AGAP1: variants seen among roughly 807,000 people sequenced by gnomAD.
AGAP1 encodes ArfGAP with GTPase domain, ankyrin repeat and PH domain 1, also known as arf-GAP with GTPase, ANK repeat and PH domain-containing protein 1.
In AGAP1, 29 loss-of-function variants were observed where a neutral mutation model predicts 105.3. The observed-to-expected ratio is 0.28, with a 90% CI of 0.21 to 0.38. The LOEUF (loss-of-function observed/expected upper bound fraction) is 0.38, where lower values mean the gene tolerates loss of function less well. AGAP1 is among the 10% of genes least tolerant of loss of function. AGAP1 has a pLI of 1.00. For missense variants in AGAP1, 998 were observed against 1,165.1 expected, an observed-to-expected ratio of 0.86 and a Z score of 2.09; for synonymous variants, 509 against 485.9, an observed-to-expected ratio of 1.05 and a Z score of -0.63.
Position 235,622,780 on chromosome 2 carries a change from C to T in AGAP1, c.164-86399C>T, listed in dbSNP as rs866655379. On this transcript the variant is annotated intron_variant, in intron 1 of 17. Coordinates refer to ENST00000304032, the MANE Select transcript of AGAP1 (RefSeq NM_001037131.3). This position sits in a 1 kb window ranked among gnomAD's most constrained non-coding sequence, Gnocchi z 5.0. ...TTAGCGCTAAGCCATTTTCCCAGGC[C>T]GGGTTATGCAGTGAGACTTCAGGGC... 4.6e-5 allele frequency among the ~76,000 whole-genome samples: 7 copies of T among 152,062 alleles called. No homozygotes were observed. The highest frequency in any genetic ancestry group is 6.8e-3 in the Middle Eastern group (2 of 294).
chr2:235,675,270 A>G (rs1347599788), intron 1 of AGAP1, among the ~76,000 whole-genome samples: 1 of 150,266 alleles, frequency 6.7e-6, no homozygotes, highest in East Asian at 2.0e-4. Flanking sequence ...GCTCACTGCA[A>G]CCTCTGCCTC....
At chr2:235,640,435 G>A (rs1947152678) in intron 1 of AGAP1, among the ~76,000 whole-genome samples, 1 of 152,200 alleles carries the variant, frequency 6.6e-6, no homozygotes. Flanking sequence ...AAGGAAGCAT[G>A]CATTACCCAT....
intron 1 of AGAP1, among the ~76,000 whole-genome samples, chr2:235,589,147 G>C (rs2149206534): frequency 6.8e-6 from 1 of 147,836 alleles, no homozygotes; most frequent in East Asian, 2.0e-4. Flanking sequence ...CCCGATGCTG[G>C]TAGAAAAGGA....
At chr2:235,672,499 A>C (rs763201979) in intron 1 of AGAP1, among the ~76,000 whole-genome samples, 1 of 152,230 alleles carries the variant, frequency 6.6e-6, no homozygotes, top group Non-Finnish European at 1.5e-5. Context: ...CACTGTATTT[A>C]ACTCCAACCA....
chr2:235,610,753 A>G lies in AGAP1; in HGVS notation c.164-98426A>G, dbSNP rs185183892. Among the ~76,000 whole-genome samples the G allele has an allele frequency of 1.5e-3, 225 of 152,168 alleles. 3 individuals are homozygous for G. Among genetic ancestry groups the G allele is most frequent in the African/African-American group, 5.3e-3 (220 of 41,512 alleles). On this transcript the variant is annotated intron_variant, in intron 1 of 17. Coordinates refer to ENST00000304032, the MANE Select transcript of AGAP1 (RefSeq NM_001037131.3). The surrounding 1 kb of genome is among the most constrained non-coding windows in gnomAD (Gnocchi z 4.9). ...CGTGAGCTCCCTGCCCTGGAGTGGAAACCCTGGGCTGGGGAGGAGGTGCGC... is the reference window on the plus strand; with the variant it reads ...CGTGAGCTCCCTGCCCTGGAGTGGAGACCCTGGGCTGGGGAGGAGGTGCGC...
Position 235,946,536 on chromosome 2 carries a change from G to T in AGAP1, c.1483+15613G>T, listed in dbSNP as rs531169227. Among the ~76,000 whole-genome samples the T allele has an allele frequency of 7.9e-5, 12 of 152,198 alleles. No individual in the cohort carries two copies. The South Asian group carries it at 2.5e-3, about 32-fold the overall frequency. On this transcript the variant is annotated intron_variant, in intron 12 of 17. Coordinates refer to ENST00000304032, the MANE Select transcript of AGAP1 (RefSeq NM_001037131.3). ...TTTCCATGTCTTAGAATATTTTCAT[G>T]TACTTAACAGCATTTAAAAGAAAAT...
chr2:235,516,352 A>AT (rs933488145), intron 1 of AGAP1, among the ~76,000 whole-genome samples: 2 of 151,786 alleles, frequency 1.3e-5, no homozygotes, highest in African/African-American at 4.8e-5. Flanking sequence ...CATTATTATT[A>AT]TTTTTTTTAA....
rs868647721 is a variant in AGAP1, at chr2:235,893,858, G to A, written c.1155+10409G>A. Among the ~76,000 whole-genome samples the A allele has an allele frequency of 1.3e-5, 2 of 152,090 alleles. No individual in the cohort carries two copies. The highest frequency in any genetic ancestry group is 4.8e-5 in the African/African-American group (2 of 41,404). ...TTGCTCCTGAACTTCCTGGACTCCA[G>A]CCCTCAACATTGACAATCCTGGCTG... On this transcript the variant is annotated intron_variant, in intron 10 of 17. Transcript: ENST00000304032. The surrounding 1 kb of genome is among the most constrained non-coding windows in gnomAD (Gnocchi z 4.7).
In AGAP1 at chr2:236,012,204, G is replaced by A. The variant is rs1009443849; in HGVS notation, c.1646-24357G>A. On this transcript the variant is annotated intron_variant, in intron 13 of 17. Transcript: ENST00000304032. The surrounding 1 kb of genome is among the most constrained non-coding windows in gnomAD (Gnocchi z 4.9). Reference sequence around the variant, plus strand: ...TCACTTCCTGCTTATACATCCTGTGGTAATGGGAGAGCAGAGTGTGAAAAA... The same window carrying A: ...TCACTTCCTGCTTATACATCCTGTGATAATGGGAGAGCAGAGTGTGAAAAA... Among the ~76,000 whole-genome samples the A allele has an allele frequency of 6.6e-6, 1 of 152,068 alleles. No individual in the cohort carries two copies. Among genetic ancestry groups the A allele is most frequent in the Non-Finnish European group, 1.5e-5 (1 of 68,010 alleles).
chr2:235,897,456 A>G (rs77659109), intron 10 of AGAP1, among the ~76,000 whole-genome samples: 3,548 of 152,266 alleles, frequency 0.023, 110 homozygotes, highest in African/African-American at 0.081. Flanking sequence ...AAAATAGAAT[A>G]TATGTGTGTT....
intron 5 of AGAP1, among the ~76,000 whole-genome samples, chr2:235,748,533 G>C (rs1040408095): frequency 6.6e-6 from 1 of 152,226 alleles, no homozygotes; most frequent in Non-Finnish European, 1.5e-5. Flanking sequence ...TGGAACGGGG[G>C]TGCAGCCTAT....
chr2:235,852,754 T>C (rs932264977), intron 9 of AGAP1: 31 of 1,538,046 alleles, frequency 2.0e-5, no homozygotes, highest in Admixed American at 6.1e-5. Context: ...CCCGTGCCCG[T>C]CAGTCCTCCC....
intron 16 of AGAP1, among the ~76,000 whole-genome samples, chr2:236,068,081 G>A (rs1000024644): frequency 1.3e-5 from 2 of 152,100 alleles, no homozygotes; most frequent in East Asian, 1.9e-4. Flanking sequence ...AGACCAGCCC[G>A]GCCAACATGG....
chr2:235,946,532 T>C (rs929260205), intron 12 of AGAP1, among the ~76,000 whole-genome samples: 1 of 152,192 alleles, frequency 6.6e-6, no homozygotes, highest in African/African-American at 2.4e-5. Flanking sequence ...TAGAATATTT[T>C]CATGTACTTA....
At position 235,976,889 on chromosome 2, in the gene AGAP1, A is replaced by G. The variant is rs374412082; in HGVS notation, c.1645+8266A>G. 3.2e-3 allele frequency among the ~76,000 whole-genome samples: 492 copies of G among 152,330 alleles called. 22 individuals are homozygous for G. In the South Asian group the frequency reaches 0.084, roughly 26 times the overall value. ...AAAGTCAAAACAAACTAAATCTTGT[A>G]AAGAGGTGGCTTGGAGCTCCTGGGG... On this transcript the variant is annotated intron_variant, in intron 13 of 17. Transcript: ENST00000304032. The surrounding 1 kb of genome is among the most constrained non-coding windows in gnomAD (Gnocchi z 4.5).
chr2:235,561,876 C>T (rs557200689), intron 1 of AGAP1, among the ~76,000 whole-genome samples: 46 of 152,224 alleles, frequency 3.0e-4, no homozygotes, highest in African/African-American at 1.1e-3. Context: ...TTCTTTATAC[C>T]CTTCCCAGTT....
intron 13 of AGAP1, among the ~76,000 whole-genome samples, chr2:236,008,930 G>A (rs746508217): frequency 6.6e-6 from 1 of 152,148 alleles, no homozygotes; most frequent in African/African-American, 2.4e-5. Flanking sequence ...TCCAAATTAC[G>A]AAGACTGTTG....
rs1284766990 is a variant in AGAP1, at chr2:235,908,684, TA to T, written c.1156-50del. ...TGATAGACCCTTTTGTTCTAGGTTG[TA>T]AAAGGTCTTTTTTTTTTTTTTATCT... On this transcript the variant is annotated intron_variant, in intron 10 of 17. Transcript: ENST00000304032. The surrounding 1 kb of genome is among the most constrained non-coding windows in gnomAD (Gnocchi z 4.4). 8.1e-6 allele frequency: 12 copies of T among 1,478,554 alleles called. No individual in the cohort carries two copies. In the East Asian group the frequency reaches 1.9e-4, roughly 23 times the overall value. The allele number at this position is 1,478,554 out of a possible 1,614,324, so 91.6% of individuals were successfully genotyped here.
intron 1 of AGAP1, among the ~76,000 whole-genome samples, chr2:235,560,904 C>T (rs1036675555): frequency 3.9e-5 from 6 of 152,208 alleles, no homozygotes; most frequent in African/African-American, 1.4e-4. Flanking sequence ...CCAAGCGATG[C>T]TCCAGGAAAC....
Sources: gnomAD v4.1 joint callset for allele counts (sites outside exome capture counted in the v4.1 genomes callset) on GRCh38, gnomAD v4.1.1 for gene constraint, Gnocchi (gnomAD v3.1) non-coding constraint, MANE v1.5 for transcripts, NCBI Gene and HGNC (gene_info 2026-07-23, HGNC 2026-07-21) for gene names.